NBR1: variants seen among roughly 807,000 people sequenced by gnomAD.
NBR1 encodes the protein NBR1 autophagy cargo receptor.
Under a neutral mutation model 115.5 loss-of-function variants are expected in NBR1, and 59 were observed. The ratio of observed to expected loss-of-function variants is 0.51; its 90% CI spans 0.41 to 0.63. The LOEUF is 0.63. Among genes scored for constraint, NBR1 ranks in the 30% least tolerant of loss-of-function variants. The pLI is 0.00. For missense variants in NBR1, 1,043 were observed against 1,150.5 expected (o/e 0.91, Z 1.35); for synonymous variants, 373 against 414.7 (o/e 0.90, Z 1.22).
Position 43,196,589 on chromosome 17 carries a change from C to T in NBR1, c.1859C>T (p.Pro620Leu). Residue 620 changes from proline to leucine, a missense_variant and splice_region_variant, in exon 15 of 21, where the codon CCT (proline) becomes CTT (leucine). Coordinates refer to ENST00000590996, the MANE Select transcript of NBR1 (RefSeq NM_005899.5). ...ENEGAGFKAL[P>L]DSMVSVKRKA... ...GAAGGGGCAGGATTTAAAGCACTTC[C>T]TGGTAAGGGATTAAACATTTGTAAA... The T allele has an allele frequency of 6.3e-7, 1 of 1,585,104 alleles. No homozygotes were observed. The highest frequency in any genetic ancestry group is 8.6e-7 in the Non-Finnish European group (1 of 1,162,724).
chr17:43,198,880 G>A (rs1192066274), intron 16 of NBR1, among the ~76,000 whole-genome samples: 2 of 151,138 alleles, frequency 1.3e-5, no homozygotes, highest in Admixed American at 6.6e-5. Context: ...GGAGAATGGC[G>A]TGAACCTGGG....
intron 12 of NBR1, among the ~76,000 whole-genome samples, 195 bp from the exon 13 acceptor site, chr17:43,194,155 C>T (rs1349535919): frequency 6.6e-6 from 1 of 152,134 alleles, no homozygotes; most frequent in Admixed American, 6.5e-5. Flanking sequence ...AAGTTATCGT[C>T]ATTAGGGGAA....
In NBR1 at chr17:43,203,701, T is replaced by C. The variant is rs1333623771; in HGVS notation, c.2642T>C (p.Ile881Thr). Residue 881 changes from isoleucine (I) to threonine (T), a missense_variant, in exon 20 of 21, where the codon ATT (isoleucine) becomes ACT (threonine). Transcript: ENST00000590996. ...TGCAGGCACCATCATGGGAGCAGCA[T>C]TGCTGGAGGACTGGTGAAGGGGGCT... ...DHSRHHHGSS[I>T]AGGLVKGALS... 6.2e-7 allele frequency: 1 copy of C among 1,609,988 alleles called. No individual in the cohort carries two copies. The highest frequency in any genetic ancestry group is 1.1e-5 in the South Asian group (1 of 90,094).
chr17:43,207,770 G>A (rs1465568705), intron 20 of NBR1, among the ~76,000 whole-genome samples: 1 of 152,204 alleles, frequency 6.6e-6, no homozygotes, highest in Admixed American at 6.5e-5. Flanking sequence ...GTTTGTACGT[G>A]TTCCTTTTTT....
At chr17:43,198,905 G>T (rs996579081) in intron 16 of NBR1, among the ~76,000 whole-genome samples, 2 of 152,160 alleles carry the variant, frequency 1.3e-5, no homozygotes, top group African/African-American at 4.8e-5. Context: ...GCAGCTTGCA[G>T]TGAGCTGAGA....
rs373519773 is a variant in NBR1 at position 43,193,110 on chromosome 17, T to C, written c.1090T>C (p.Cys364Arg). ...TCTGTTCAGGCTCCCTTTGCAGCCC[T>C]GTACCTCCGTTATGCCAATGCTCAG... is the stretch of plus-strand genomic sequence containing the variant. ...SNTLMLPLQPCTSVMPMLSAA... is the reference protein window; with the variant it reads ...SNTLMLPLQPRTSVMPMLSAA... The change falls in exon 11 of 21, where the codon TGT becomes CGT. Residue 364 changes from cysteine to arginine, a missense_variant. Cys to Arg is a radical substitution (Grantham distance 180). Coordinates refer to ENST00000590996, the MANE Select transcript of NBR1 (RefSeq NM_005899.5). The C allele has an allele frequency of 3.7e-6, 6 of 1,613,870 alleles. No individual in the cohort carries two copies. In the African/African-American group the frequency reaches 5.3e-5, roughly 14 times the overall value.
rs1277762735 is a variant in NBR1, at chr17:43,179,398, C to A, written c.170C>A (p.Ser57Tyr). 1 of 1,612,786 alleles carries A rather than the reference C, an allele frequency of 6.2e-7. No individual in the cohort carries two copies. Among genetic ancestry groups the A allele is most frequent in the African/African-American group, 1.3e-5 (1 of 74,896 alleles). ...KYLDEENEEVSINSQGEYEEA... is the reference protein window; with the variant it reads ...KYLDEENEEVYINSQGEYEEA... ...TTGCTTTTTTTCCTTTTATAGGTAT[C>A]CATCAACAGTCAAGGTGAGTCCCTA... is the stretch of plus-strand genomic sequence containing the variant. The change falls in exon 4 of 21, where the codon TCC becomes TAC. Residue 57 changes from serine (S) to tyrosine (Y), a missense_variant. Ser to Tyr is a moderately radical substitution (Grantham distance 144). Transcript: ENST00000590996.
chr17:43,170,921 T>C (rs533142599), upstream of NBR1: 1 of 152,138 alleles, frequency 6.6e-6, no homozygotes, highest in South Asian at 2.1e-4. Context: ...GCCCCACGAG[T>C]CTCGGGCAAG....
chr17:43,186,611 C>T (rs541344971), intron 6 of NBR1, among the ~76,000 whole-genome samples, 167 bp downstream of exon 6: 2 of 152,176 alleles, frequency 1.3e-5, no homozygotes, highest in African/African-American at 4.8e-5. Flanking sequence ...TGGTGGTTTG[C>T]TGCACCCATC....
chr17:43,206,132 C>T (rs1055611541), intron 20 of NBR1, among the ~76,000 whole-genome samples: 2 of 148,360 alleles, frequency 1.3e-5, no homozygotes, highest in Admixed American at 6.7e-5. Flanking sequence ...GCCGAGATTG[C>T]GCCACTGCAC....
chr17:43,210,543 T>C lies in NBR1; in HGVS notation c.*469T>C. The C allele has an allele frequency of 2.5e-6, 1 of 398,442 alleles. No individual in the cohort carries two copies. The highest frequency in any genetic ancestry group is 4.4e-6 in the Non-Finnish European group (1 of 226,040). 24.7% of individuals were successfully genotyped at this position (398,442 alleles called of 1,614,324 possible). On this transcript the variant is annotated 3_prime_UTR_variant, in exon 21 of 21. Coordinates refer to ENST00000590996, the MANE Select transcript of NBR1 (RefSeq NM_005899.5). ...CTGTAATCCACCTCAAGCTTCATAG[T>C]TATTTGGCATTGAAATAACACCCAG... is the stretch of plus-strand genomic sequence containing the variant.
chr17:43,202,720 C>G lies in NBR1; in HGVS notation c.2621+8C>G, dbSNP rs769800968. On this transcript the variant is annotated splice_region_variant and intron_variant, in intron 19 of 20. Coordinates refer to ENST00000590996, the MANE Select transcript of NBR1 (RefSeq NM_005899.5). ...GAGCTATGACCACTCAAGGTAACAA[C>G]CTTGTGCAGTCTCTTTTTTCAGAAG... The G allele has an allele frequency of 2.6e-6, 4 of 1,564,486 alleles. No homozygotes were observed. The African/African-American group carries it at 4.1e-5, about 16-fold the overall frequency.
intron 10 of NBR1, among the ~76,000 whole-genome samples, chr17:43,191,858 C>T (rs1294820825): frequency 9.4e-5 from 14 of 149,642 alleles, no homozygotes; most frequent in African/African-American, 2.7e-4. Context: ...GTAGCTGGGA[C>T]TACAAGCACC....
At chr17:43,190,347 C>T (rs1413932034) in intron 8 of NBR1, 5 of 449,846 alleles carry the variant, frequency 1.1e-5, no homozygotes, top group African/African-American at 6.0e-5. Context: ...GCTGGGATTA[C>T]AGACATGAGC....
At chr17:43,180,674 A>G (rs2056640264) in intron 4 of NBR1, 121 bp from the exon 5 acceptor site, 9 of 1,126,764 alleles carry the variant, frequency 8.0e-6, no homozygotes, top group East Asian at 3.9e-5. Context: ...CCTTAATCTT[A>G]TGGAATCTTT....
chr17:43,179,822 A>G (rs1028372384), intron 4 of NBR1, among the ~76,000 whole-genome samples: 5 of 152,210 alleles, frequency 3.3e-5, no homozygotes, highest in African/African-American at 1.2e-4. Flanking sequence ...GAACCATGTT[A>G]TAGTTGAAGA....
At chr17:43,206,335 C>T (rs34257545) in intron 20 of NBR1, among the ~76,000 whole-genome samples, 1,704 of 151,976 alleles carry the variant, frequency 0.011, 37 homozygotes, top group African/African-American at 0.039. Flanking sequence ...GTAAGATTAC[C>T]GGCTACATTG....
In NBR1 at chr17:43,190,692, G is replaced by A. The variant is rs752887313; in HGVS notation, c.779G>A (p.Arg260Gln). 11 of 1,613,788 alleles carry A rather than the reference G, an allele frequency of 6.8e-6. No homozygotes were observed. The highest frequency in any genetic ancestry group is 1.7e-5 in the Admixed American group (1 of 59,992). Residue 260 changes from arginine (R) to glutamine (Q), a missense_variant, in exon 9 of 21, where the codon CGG becomes CAG. Physicochemically the swap from Arg to Gln is conservative, Grantham distance 43. Coordinates refer to ENST00000590996, the MANE Select transcript of NBR1 (RefSeq NM_005899.5). ...ACTAACCACGTCCTGCTGAAGTTGC[G>A]GAGACCTGTTGTGGGCTCCTCTGAA... Reference protein sequence around the residue: ...HDTNHVLLKLRRPVVGSSEPF... With the variant: ...HDTNHVLLKLQRPVVGSSEPF...
intron 6 of NBR1, among the ~76,000 whole-genome samples, chr17:43,188,126 G>A (rs924200970): frequency 3.3e-5 from 5 of 151,496 alleles, no homozygotes; most frequent in African/African-American, 1.2e-4. Context: ...TCCTGACCTC[G>A]TGGTCCACCC....
Sources: allele counts gnomAD v4.1 joint callset (sites outside exome capture counted in the v4.1 genomes callset), GRCh38; gene constraint gnomAD v4.1.1; transcripts MANE v1.5; gene names NCBI Gene and HGNC (gene_info 2026-07-23, HGNC 2026-07-21).